ATG10: variants seen among roughly 807,000 people sequenced by gnomAD.
The protein encoded by ATG10 is autophagy related 10.
ATG10 carries 30 observed loss-of-function variants against 32.1 expected under a neutral mutation model. That is an observed-to-expected ratio of 0.94 (90% CI 0.70 to 1.27). The LOEUF is 1.27. ATG10 is among the 50% of genes most tolerant of loss of function. The probability of loss-of-function intolerance (pLI) is 0.00; values close to 1 mark genes in which losing one functional copy is unlikely to be tolerated. For synonymous variants in ATG10, 87 were observed against 91.5 expected (o/e 0.95, Z 0.28); for missense variants, 233 against 262.3 (o/e 0.89, Z 0.77).
chr5:81,979,162 A>G (rs2149653477), intron 1 of ATG10, among the ~76,000 whole-genome samples: 1 of 151,978 alleles, frequency 6.6e-6, no homozygotes, highest in Non-Finnish European at 1.5e-5. Flanking sequence ...AGCTTCCCAA[A>G]GTGCTGGGAT....
At position 82,187,732 on chromosome 5, in the gene ATG10, C is replaced by T. The variant is rs372355120; in HGVS notation, c.453+9145C>T. 1.8e-4 allele frequency among the ~76,000 whole-genome samples: 27 copies of T among 151,664 alleles called. No homozygotes were observed. In the Middle Eastern group the frequency reaches 0.01, roughly 57 times the overall value. On this transcript the variant is annotated intron_variant, in intron 5 of 7. Transcript: ENST00000282185. Reference sequence around the variant, plus strand: ...CCTCCCAAGTAGCTGAGATTGCAGGCGCCCGCCACCACGCCTGGCTAATTT... The same window carrying T: ...CCTCCCAAGTAGCTGAGATTGCAGGTGCCCGCCACCACGCCTGGCTAATTT...
At chr5:82,008,302 T>A (rs1762036760) in intron 2 of ATG10, among the ~76,000 whole-genome samples, 1 of 152,220 alleles carries the variant, frequency 6.6e-6, no homozygotes, top group Non-Finnish European at 1.5e-5. Context: ...AGATTTTTTT[T>A]TCTTTACCTT....
chr5:82,237,681 C>G (rs138584697), intron 5 of ATG10, among the ~76,000 whole-genome samples: 1 of 151,826 alleles, frequency 6.6e-6, no homozygotes, highest in Admixed American at 6.6e-5. Flanking sequence ...TCTCTCTCCC[C>G]GAGTCAGAAG....
At position 82,036,791 on chromosome 5, in the gene ATG10, T is replaced by C. The variant is rs1469614244; in HGVS notation, c.109-21704T>C. On this transcript the variant is annotated intron_variant, in intron 2 of 7. Coordinates refer to ENST00000282185, the MANE Select transcript of ATG10 (RefSeq NM_031482.5). The stretch of plus-strand genomic sequence containing the variant: ...GTTGTGCAGTTTTCTTGATATTAGG[T>C]ATTTTCCTGGATATTTGACATATAA... 2.0e-5 allele frequency among the ~76,000 whole-genome samples: 3 copies of C among 152,118 alleles called. No individual in the cohort carries two copies. The East Asian group carries it at 5.8e-4, about 29-fold the overall frequency.
intron 3 of ATG10, among the ~76,000 whole-genome samples, chr5:82,082,872 G>A (rs1239423393): frequency 6.6e-6 from 1 of 152,150 alleles, no homozygotes; most frequent in Non-Finnish European, 1.5e-5. Flanking sequence ...AAATACTGGG[G>A]GGAAGGTTCC....
At chr5:81,987,955 C>T (rs972345950) in intron 2 of ATG10, among the ~76,000 whole-genome samples, 1 of 152,116 alleles carries the variant, frequency 6.6e-6, no homozygotes, top group Admixed American at 6.6e-5. Context: ...TATTAATTAT[C>T]TGAATGTAAA....
intron 5 of ATG10, among the ~76,000 whole-genome samples, chr5:82,246,497 G>A (rs1050531180): frequency 4.0e-5 from 6 of 149,382 alleles, no homozygotes; most frequent in Non-Finnish European, 7.4e-5. Flanking sequence ...GACTAGTCTG[G>A]CAACATAGTG....
At chr5:82,136,088 T>C (rs897969581) in intron 3 of ATG10, among the ~76,000 whole-genome samples, 17 of 152,190 alleles carry the variant, frequency 1.1e-4, no homozygotes, top group Non-Finnish European at 2.5e-4. Flanking sequence ...TAATTATTCT[T>C]CCATCCCTTT....
At chr5:82,012,702 G>A (rs1446298894) in intron 2 of ATG10, among the ~76,000 whole-genome samples, 1 of 152,042 alleles carries the variant, frequency 6.6e-6, no homozygotes, top group East Asian at 1.9e-4. Context: ...TGTCATCCAG[G>A]CTGGATGCAG....
chr5:82,113,774 C>T (rs1765691167), intron 3 of ATG10, among the ~76,000 whole-genome samples: 1 of 151,906 alleles, frequency 6.6e-6, no homozygotes, highest in Non-Finnish European at 1.5e-5. Context: ...TTCCTGTCTA[C>T]TTAGCTGTGT....
chr5:82,011,159 T>C (rs926166757), intron 2 of ATG10, among the ~76,000 whole-genome samples: 5 of 152,198 alleles, frequency 3.3e-5, no homozygotes, highest in African/African-American at 1.2e-4. Flanking sequence ...AAAACTGAGC[T>C]GATCATTTTT....
At chr5:82,135,451 A>G (rs1299119403) in intron 3 of ATG10, among the ~76,000 whole-genome samples, 2 of 152,220 alleles carry the variant, frequency 1.3e-5, no homozygotes, top group South Asian at 4.1e-4. Context: ...GTTTCAAAGA[A>G]CTAATTTATT....
intron 2 of ATG10, among the ~76,000 whole-genome samples, chr5:82,024,645 C>T (rs1762543555): frequency 6.6e-6 from 1 of 152,144 alleles, no homozygotes; most frequent in Non-Finnish European, 1.5e-5. Context: ...ATTTTTGTCC[C>T]TTTGCCCTAT....
chr5:82,020,031 T>C (rs1762394086), intron 2 of ATG10, among the ~76,000 whole-genome samples: 1 of 152,222 alleles, frequency 6.6e-6, no homozygotes. Flanking sequence ...GAAGCGCCCA[T>C]GCAGTCACCC....
chr5:82,128,774 T>C (rs1441108104), intron 3 of ATG10, among the ~76,000 whole-genome samples: 2 of 149,340 alleles, frequency 1.3e-5, no homozygotes, highest in Non-Finnish European at 3.0e-5. Flanking sequence ...GACCTTTCTC[T>C]CTGGCTGCCC....
intron 3 of ATG10, among the ~76,000 whole-genome samples, chr5:82,153,440 C>A (rs1044176127): frequency 6.6e-6 from 1 of 152,080 alleles, no homozygotes; most frequent in African/African-American, 2.4e-5. Context: ...TTTTAGTGGG[C>A]TGCAGCAAGA....
chr5:82,163,084 C>T (rs1743430689), intron 3 of ATG10, among the ~76,000 whole-genome samples: 1 of 149,812 alleles, frequency 6.7e-6, no homozygotes. Flanking sequence ...GCTAAGCAAC[C>T]CAATTATTGA....
chr5:82,154,122 TAAAA>T (rs1767719690), intron 3 of ATG10, among the ~76,000 whole-genome samples: 1 of 152,048 alleles, frequency 6.6e-6, no homozygotes, highest in South Asian at 2.1e-4. Context: ...TTTATATGGT[TAAAA>T]AAAGAATTTA....
chr5:82,099,177 T>G (rs1418852643), intron 3 of ATG10, among the ~76,000 whole-genome samples: 1 of 152,148 alleles, frequency 6.6e-6, no homozygotes, highest in Non-Finnish European at 1.5e-5. Flanking sequence ...TAATATTTAG[T>G]TGGAAAAAAC....
Sources: gnomAD v4.1 joint callset for allele counts (sites outside exome capture counted in the v4.1 genomes callset) on GRCh38, gnomAD v4.1.1 for gene constraint, MANE v1.5 for transcripts, NCBI Gene and HGNC (gene_info 2026-07-23, HGNC 2026-07-21) for gene names.